ADCY2: variants seen among roughly 807,000 people sequenced by gnomAD.
ADCY2 encodes adenylate cyclase type 2.
ADCY2 carries 31 observed loss-of-function variants against 125.2 expected under a neutral mutation model. The observed-to-expected ratio is 0.25, with a 90% CI of 0.19 to 0.33. The LOEUF is 0.33. Ranked by LOEUF, ADCY2 falls within the 10% of genes least tolerant of loss-of-function variation. The pLI is 1.00. For missense variants in ADCY2, 904 were observed against 1,418.2 expected (o/e 0.64, Z 5.82); for synonymous variants, 512 against 548.4 (o/e 0.93, Z 0.93).
chr5:7,660,728 T>C (rs955744786), intron 4 of ADCY2, among the ~76,000 whole-genome samples: 1 of 152,138 alleles, frequency 6.6e-6, no homozygotes, highest in African/African-American at 2.4e-5. Flanking sequence ...CCAACCATGT[T>C]GTGAAGGGTA....
rs1435230541 is a variant in ADCY2, at chr5:7,396,206, C to T, written c.-91C>T. On this transcript the variant is annotated 5_prime_UTR_variant, in exon 1 of 25. Transcript: ENST00000338316. This position sits in a 1 kb window ranked among gnomAD's most constrained non-coding sequence, Gnocchi z 5.7. ...TCCGGGTGCCGGCAGCCGGGCCGGC[C>T]GAGGCGGCGCGGGGGTGGGACGCGG... 1 of 729,222 alleles carries T rather than the reference C, an allele frequency of 1.4e-6. No homozygotes were observed. The highest frequency in any genetic ancestry group is 2.0e-5 in the African/African-American group (1 of 50,712). The allele number at this position is 729,222 out of a possible 1,614,324, so 45.2% of individuals were successfully genotyped here. A position where few individuals can be genotyped will look rare whatever the true frequency, so the allele number is the denominator to read the frequency against.
At chr5:7,789,864 C>T in intron 20 of ADCY2, 64 bp downstream of exon 20, 1 of 1,311,808 alleles carries the variant, frequency 7.6e-7, no homozygotes, top group Non-Finnish European at 1.0e-6. Flanking sequence ...TGGGTGAGGG[C>T]TGAAAGCTTC....
chr5:7,657,274 G>T (rs943052448), intron 4 of ADCY2, among the ~76,000 whole-genome samples: 5 of 152,226 alleles, frequency 3.3e-5, no homozygotes, highest in Non-Finnish European at 2.9e-5. Flanking sequence ...GGAGGGCTGA[G>T]GAGGCAGGGT....
At chr5:7,718,116 T>C (rs1015612244) in intron 12 of ADCY2, among the ~76,000 whole-genome samples, 1 of 151,898 alleles carries the variant, frequency 6.6e-6, no homozygotes, top group African/African-American at 2.4e-5. Flanking sequence ...AAATAGTGCA[T>C]GGCTTTGCAA....
At chr5:7,418,567 G>C (rs1339922749) in intron 2 of ADCY2, among the ~76,000 whole-genome samples, 1 of 150,808 alleles carries the variant, frequency 6.6e-6, no homozygotes, top group African/African-American at 2.4e-5. Context: ...CTGAAGTCCT[G>C]CCCAACACTT....
At chr5:7,779,579 C>A (rs1243965611) in intron 18 of ADCY2, among the ~76,000 whole-genome samples, 3 of 152,124 alleles carry the variant, frequency 2.0e-5, no homozygotes, top group Non-Finnish European at 2.9e-5. Flanking sequence ...GTCCAACCCC[C>A]CCCCCAACAC....
At chr5:7,639,676 G>C (rs1738626833) in intron 4 of ADCY2, among the ~76,000 whole-genome samples, 1 of 152,134 alleles carries the variant, frequency 6.6e-6, no homozygotes, top group African/African-American at 2.4e-5. Context: ...TGACTGCTCT[G>C]GATGAGCTCA....
chr5:7,410,654 A>T (rs1159489783), intron 1 of ADCY2, among the ~76,000 whole-genome samples: 1 of 152,182 alleles, frequency 6.6e-6, no homozygotes, highest in African/African-American at 2.4e-5. Flanking sequence ...TGTTAAAGCC[A>T]TTTTTAAAAA....
Position 7,757,568 on chromosome 5 carries a change from G to C in ADCY2, c.2076G>C (p.Met692Ile), listed in dbSNP as rs555132618. ...TCATCACCACAGCCATCATATTAATGATGGCCGTGTTCAACATGGTAAGTC... is the reference window on the plus strand; with the variant it reads ...TCATCACCACAGCCATCATATTAATCATGGCCGTGTTCAACATGGTAAGTC... Reference protein sequence around the residue: ...LTIITTAIILMMAVFNMFFLS... With the variant: ...LTIITTAIILIMAVFNMFFLS... Residue 692 changes from methionine to isoleucine, a missense_variant, in exon 16 of 25, where the codon ATG (methionine) becomes ATC (isoleucine). This residue lies in a region of ADCY2 where 221 missense variants were observed against 246.2 expected (regional missense o/e 0.90). Transcript: ENST00000338316. 3.1e-5 allele frequency: 45 copies of C among 1,455,042 alleles called. No homozygotes were observed. Among genetic ancestry groups the C allele is most frequent in the South Asian group, 1.5e-4 (12 of 82,614 alleles). The allele number at this position is 1,455,042 out of a possible 1,614,324, so 90.1% of individuals were successfully genotyped here. A position where few individuals can be genotyped will look rare whatever the true frequency, so the allele number is the denominator to read the frequency against.
At position 7,828,180 on chromosome 5, in the gene ADCY2, C is replaced by T. The variant is rs1745546709; in HGVS notation, c.*1309C>T. 1 of 152,784 alleles carries T rather than the reference C, an allele frequency of 6.5e-6. No homozygotes were observed. Among genetic ancestry groups the T allele is most frequent in the South Asian group, 2.1e-4 (1 of 4,830 alleles). 9.5% of individuals were successfully genotyped at this position (152,784 alleles called of 1,614,324 possible). On this transcript the variant is annotated 3_prime_UTR_variant, in exon 25 of 25. Coordinates refer to ENST00000338316, the MANE Select transcript of ADCY2 (RefSeq NM_020546.3). Reference sequence around the variant, plus strand: ...TCGTGTATAAGCTAATGTTTAAAAGCAAAACTGCAAATTGTAGCCCAGTTG... The same window carrying T: ...TCGTGTATAAGCTAATGTTTAAAAGTAAAACTGCAAATTGTAGCCCAGTTG...
chr5:7,730,839 G>A (rs1353195137), intron 14 of ADCY2, among the ~76,000 whole-genome samples: 4 of 20,660 alleles, frequency 1.9e-4, no homozygotes, highest in Non-Finnish European at 1.2e-3. Context: ...GTCGGGGGGC[G>A]GTATTTTCAC....
At chr5:7,820,939 G>T (rs1412672494) in intron 24 of ADCY2, among the ~76,000 whole-genome samples, 1 of 152,216 alleles carries the variant, frequency 6.6e-6, no homozygotes, top group Non-Finnish European at 1.5e-5. Flanking sequence ...GCAGCAACCA[G>T]CATGATGGCA....
chr5:7,560,097 G>A (rs1017591954), intron 3 of ADCY2, among the ~76,000 whole-genome samples: 1 of 152,206 alleles, frequency 6.6e-6, no homozygotes, highest in African/African-American at 2.4e-5. Flanking sequence ...TGCACTAACA[G>A]AGACAGTTAT....
intron 2 of ADCY2, among the ~76,000 whole-genome samples, chr5:7,507,201 G>T (rs2126513215): frequency 6.7e-6 from 1 of 149,908 alleles, no homozygotes; most frequent in African/African-American, 2.4e-5. Flanking sequence ...CAGCACTTTG[G>T]GAGGCCGAGG....
chr5:7,689,608 A>AGAAGTTT (rs1740639096), intron 4 of ADCY2, among the ~76,000 whole-genome samples: 1 of 152,106 alleles, frequency 6.6e-6, no homozygotes, highest in Non-Finnish European at 1.5e-5. Context: ...TCCAACAGCC[A>AGAAGTTT]CCAAAGCGAT....
intron 23 of ADCY2, among the ~76,000 whole-genome samples, chr5:7,818,237 A>G (rs1258807340): frequency 6.6e-6 from 1 of 152,186 alleles, no homozygotes; most frequent in Non-Finnish European, 1.5e-5. Flanking sequence ...TGCTATGGGT[A>G]TGTCCTGAAT....
chr5:7,423,033 C>T (rs1273231751), intron 2 of ADCY2, among the ~76,000 whole-genome samples: 3 of 152,156 alleles, frequency 2.0e-5, no homozygotes, highest in African/African-American at 7.2e-5. Flanking sequence ...TGCTGTGTGC[C>T]AGGATGATTT....
At chr5:7,705,555 G>A (rs1363278564) in intron 7 of ADCY2, among the ~76,000 whole-genome samples, 1 of 152,162 alleles carries the variant, frequency 6.6e-6, no homozygotes, top group African/African-American at 2.4e-5. Context: ...AGAGTCCGGA[G>A]GTGGGGACAC....
At chr5:7,469,837 C>T (rs1008036823) in intron 2 of ADCY2, among the ~76,000 whole-genome samples, 2 of 151,696 alleles carry the variant, frequency 1.3e-5, no homozygotes, top group Non-Finnish European at 3.0e-5. Flanking sequence ...TATAAGAACA[C>T]AGTGAAACTT....
Sources: gnomAD v4.1 joint callset for allele counts (sites outside exome capture counted in the v4.1 genomes callset) on GRCh38, gnomAD v4.1.1 for gene constraint, gnomAD v4.1.1 regional missense constraint, Gnocchi (gnomAD v3.1) non-coding constraint, MANE v1.5 for transcripts, NCBI Gene and HGNC (gene_info 2026-07-23, HGNC 2026-07-21) for gene names.